TMSB10: variants seen among roughly 807,000 people sequenced by gnomAD.
TMSB10 encodes the protein thymosin beta-10.
TMSB10 carries 4 observed loss-of-function variants against 4.5 expected under a neutral mutation model. The ratio of observed to expected loss-of-function variants is 0.89; its 90% CI spans 0.44 to 2.03. TMSB10 has a LOEUF of 2.03. TMSB10 is among the 30% of genes most tolerant of loss of function. The pLI, the probability that TMSB10 is intolerant of heterozygous loss-of-function variation, is 0.03. For missense variants in TMSB10, 44 were observed against 53.9 expected (o/e 0.82, Z 0.57); for synonymous variants, 17 against 20.3 (o/e 0.84, Z 0.44).
In TMSB10 at chr2:84,905,718, G is replaced by A. The variant is rs1169633089; in HGVS notation, c.-16G>A. 7.4e-6 allele frequency: 2 copies of A among 271,688 alleles called. No homozygotes were observed. The highest frequency in any genetic ancestry group is 4.6e-5 in the South Asian group (1 of 21,548). The allele number at this position is 271,688 out of a possible 1,614,324, so 16.8% of individuals were successfully genotyped here. A position where few individuals can be genotyped will look rare whatever the true frequency, so the allele number is the denominator to read the frequency against. On this transcript the variant is annotated splice_region_variant and 5_prime_UTR_variant, in exon 1 of 3. Transcript: ENST00000233143. ...TCTCGGGCTCGGAACGAGACTGCACGGTGAGTGCGGCGCCGGGGCGGGGGG... is the reference window on the plus strand; with the variant it reads ...TCTCGGGCTCGGAACGAGACTGCACAGTGAGTGCGGCGCCGGGGCGGGGGG...
At chr2:84,906,153 C>T in intron 2 of TMSB10, 36 bp downstream of exon 2, 2 of 1,599,288 alleles carry the variant, frequency 1.3e-6, no homozygotes, top group Admixed American at 1.7e-5. Flanking sequence ...CCCAGCCCAG[C>T]CCCTCACCCT....
In TMSB10 at chr2:84,905,700, C is replaced by A. The variant is rs1038165079; in HGVS notation, c.-34C>A. 1 of 197,956 alleles carries A rather than the reference C, an allele frequency of 5.1e-6. No individual in the cohort carries two copies. Among genetic ancestry groups the A allele is most frequent in the African/African-American group, 2.3e-5 (1 of 42,576 alleles). 12.3% of individuals were successfully genotyped at this position (197,956 alleles called of 1,614,324 possible). A position where few individuals can be genotyped will look rare whatever the true frequency, so the allele number is the denominator to read the frequency against. ...CGAGTGGGAGCACCAGGATCTCGGG[C>A]TCGGAACGAGACTGCACGGTGAGTG... On this transcript the variant is annotated 5_prime_UTR_variant, in exon 1 of 3. Coordinates refer to ENST00000233143, the MANE Select transcript of TMSB10 (RefSeq NM_021103.4).
In TMSB10 at chr2:84,906,043, A is replaced by G. The variant is rs757649978; in HGVS notation, c.26A>G (p.Glu9Gly). The G allele has an allele frequency of 6.2e-7, 1 of 1,614,006 alleles. No individual in the cohort carries two copies. Among genetic ancestry groups the G allele is most frequent in the Non-Finnish European group, 8.5e-7 (1 of 1,179,960 alleles). The change falls in exon 2 of 3, where the codon GAA becomes GGA. Residue 9 changes from glutamate to glycine, a missense_variant. Physicochemically the swap from Glu to Gly is moderately conservative, Grantham distance 98. Coordinates refer to ENST00000233143, the MANE Select transcript of TMSB10 (RefSeq NM_021103.4). ...ATGGCAGACAAACCAGACATGGGGG[A>G]AATCGCCAGCTTCGATAAGGCCAAG... MADKPDMGEIASFDKAKLK... is the reference protein window; with the variant it reads MADKPDMGGIASFDKAKLK...
At position 84,906,363 on chromosome 2, in the gene TMSB10, C is replaced by T. The variant is rs1383456596; in HGVS notation, c.101-26C>T. 6.3e-6 allele frequency: 10 copies of T among 1,588,392 alleles called. No individual in the cohort carries two copies. The African/African-American group carries it at 1.2e-4, about 19-fold the overall frequency. The stretch of plus-strand genomic sequence containing the variant: ...GCGGGTGGGGGTTGCAGCTCCCCTC[C>T]AGCGCCCGCTTCCCGCTCTCCACAG... On this transcript the variant is annotated intron_variant, in intron 2 of 2. Transcript: ENST00000233143.
intron 2 of TMSB10, 95 bp downstream of exon 2, chr2:84,906,212 C>G (rs1336069193): frequency 2.7e-6 from 4 of 1,461,130 alleles, no homozygotes; most frequent in Non-Finnish European, 3.7e-6. Context: ...GCCGTTGTCC[C>G]CGGTGTGGGC....
Position 84,906,392 on chromosome 2 carries a change from T to C in TMSB10, c.104T>C (p.Ile35Thr), listed in dbSNP as rs1205603185. 2 of 1,604,804 alleles carry C rather than the reference T, an allele frequency of 1.2e-6. No individual in the cohort carries two copies. The highest frequency in any genetic ancestry group is 1.7e-5 in the Admixed American group (1 of 59,356). Residue 35 changes from isoleucine (I) to threonine (T), a missense_variant, in exon 3 of 3, where the codon ATT becomes ACT. Ile to Thr is a moderately conservative substitution (Grantham distance 89, BLOSUM62 -1). Transcript: ENST00000233143. ...GCCCGCTTCCCGCTCTCCACAGCCA[T>C]TGAGCAGGAGAAGCGGAGTGAAATT... ...EKNTLPTKET[I>T]EQEKRSEIS
Position 84,906,022 on chromosome 2 carries a change from C to A in TMSB10, c.5C>A (p.Ala2Glu). Residue 2 changes from alanine (A) to glutamate (E), a missense_variant, in exon 2 of 3, where the codon GCA (alanine) becomes GAA (glutamate). Coordinates refer to ENST00000233143, the MANE Select transcript of TMSB10 (RefSeq NM_021103.4). M[A>E]DKPDMGEIAS... The stretch of plus-strand genomic sequence containing the variant: ...CACTAGGATTGTTTTAAGAAAATGG[C>A]AGACAAACCAGACATGGGGGAAATC... 1 of 1,613,906 alleles carries A rather than the reference C, an allele frequency of 6.2e-7. No individual in the cohort carries two copies. The highest frequency in any genetic ancestry group is 8.5e-7 in the Non-Finnish European group (1 of 1,179,910).
In TMSB10 at chr2:84,905,965, C is replaced by G. The variant is rs1486840004; in HGVS notation, c.-15-38C>G. On this transcript the variant is annotated intron_variant, in intron 1 of 2. Transcript: ENST00000233143. ...GGGGAGCGCGGAAGGGGACGCTGGC[C>G]CCCAGGCCCAGGTCAAGCGCCTTGG... The G allele has an allele frequency of 3.8e-6, 6 of 1,569,396 alleles. No homozygotes were observed. In the African/African-American group the frequency reaches 8.1e-5, roughly 21 times the overall value.
Position 84,906,429 on chromosome 2 carries a change from T to A in TMSB10, c.*6T>A. ...AGCGGAGTGAAATTTCCTAAGATCC[T>A]GGAGGATTTCCTACCCCCGTCCTCT... On this transcript the variant is annotated 3_prime_UTR_variant, in exon 3 of 3. Transcript: ENST00000233143. 6.2e-7 allele frequency: 1 copy of A among 1,606,160 alleles called. No homozygotes were observed. The highest frequency in any genetic ancestry group is 2.2e-5 in the East Asian group (1 of 44,840).
Position 84,906,628 on chromosome 2 carries a change from A to C in TMSB10, c.*205A>C. 2.1e-6 allele frequency: 1 copy of C among 484,154 alleles called. No individual in the cohort carries two copies. The highest frequency in any genetic ancestry group is 3.4e-5 in the East Asian group (1 of 29,152). 30.0% of individuals were successfully genotyped at this position (484,154 alleles called of 1,614,324 possible). A position where few individuals can be genotyped will look rare whatever the true frequency, so the allele number is the denominator to read the frequency against. ...CCGGTTTGCCCCGGGATATTATAGA[A>C]AATTATTTGTATGAATAATGAAAAT... On this transcript the variant is annotated 3_prime_UTR_variant, in exon 3 of 3. Coordinates refer to ENST00000233143, the MANE Select transcript of TMSB10 (RefSeq NM_021103.4).
intron 1 of TMSB10, 69 bp from the exon 2 acceptor site, chr2:84,905,934 G>A (rs1345243897): frequency 2.2e-6 from 3 of 1,370,190 alleles, no homozygotes; most frequent in Non-Finnish European, 3.1e-6. Flanking sequence ...GTCGAGAGGC[G>A]TCGGCGGGGA....
intron 2 of TMSB10, 111 bp downstream of exon 2, chr2:84,906,228 C>G: frequency 7.0e-7 from 1 of 1,437,620 alleles, no homozygotes; most frequent in Non-Finnish European, 9.4e-7. Context: ...TGGGCGGCCC[C>G]GGCCACTCTT....
chr2:84,906,130 C>T lies in TMSB10; in HGVS notation c.100+13C>T. ...CCGACCAAAGAGAGTGAGTGTGCCT[C>T]GGTCTCCCGCGCCCCAGCCCAGCCC... On this transcript the variant is annotated intron_variant, in intron 2 of 2. Transcript: ENST00000233143. The T allele has an allele frequency of 3.7e-6, 6 of 1,612,346 alleles. No homozygotes were observed. The highest frequency in any genetic ancestry group is 2.2e-5 in the East Asian group (1 of 44,788).
Position 84,906,656 on chromosome 2 carries a change from AAC to A in TMSB10, c.*238_*239del. ...TTATTTGTATGAATAATGAAAATAA[AAC>A]ACACCTCGTGGCATGGCTGGCGTGG... On this transcript the variant is annotated 3_prime_UTR_variant, in exon 3 of 3. Coordinates refer to ENST00000233143, the MANE Select transcript of TMSB10 (RefSeq NM_021103.4). 2.3e-6 allele frequency: 1 copy of A among 429,290 alleles called. No individual in the cohort carries two copies. The highest frequency in any genetic ancestry group is 4.1e-6 in the Non-Finnish European group (1 of 243,276). 26.6% of individuals were successfully genotyped at this position (429,290 alleles called of 1,614,324 possible). A position where few individuals can be genotyped will look rare whatever the true frequency, so the allele number is the denominator to read the frequency against.
Position 84,905,728 on chromosome 2 carries a change from G to A in TMSB10, c.-16+10G>A. 1 of 294,898 alleles carries A rather than the reference G, an allele frequency of 3.4e-6. No homozygotes were observed. The highest frequency in any genetic ancestry group is 6.4e-6 in the Non-Finnish European group (1 of 157,240). 18.3% of individuals were successfully genotyped at this position (294,898 alleles called of 1,614,324 possible). On this transcript the variant is annotated intron_variant, in intron 1 of 2. Coordinates refer to ENST00000233143, the MANE Select transcript of TMSB10 (RefSeq NM_021103.4). ...GGAACGAGACTGCACGGTGAGTGCG[G>A]CGCCGGGGCGGGGGGCCCACCCAGG...
At chr2:84,905,964 C>T in intron 1 of TMSB10, 39 bp from the exon 2 acceptor site, 2 of 1,542,494 alleles carry the variant, frequency 1.3e-6, no homozygotes, top group South Asian at 1.1e-5. Flanking sequence ...GGGACGCTGG[C>T]CCCCAGGCCC....
At chr2:84,905,770 T>G (rs1229433834) in intron 1 of TMSB10, 52 bp downstream of exon 1, 1 of 375,900 alleles carries the variant, frequency 2.7e-6, no homozygotes, top group Non-Finnish European at 4.8e-6. Flanking sequence ...TCGGATCCGG[T>G]GCACCGGGCG....
chr2:84,906,415 A>G lies in TMSB10; in HGVS notation c.127A>G (p.Ile43Val). ...ETIEQEKRSE[I>V]S ...CATTGAGCAGGAGAAGCGGAGTGAA[A>G]TTTCCTAAGATCCTGGAGGATTTCC... Residue 43 changes from isoleucine to valine, a missense_variant, in exon 3 of 3, where the codon ATT (isoleucine) becomes GTT (valine). Ile to Val is a conservative substitution (Grantham distance 29). Coordinates refer to ENST00000233143, the MANE Select transcript of TMSB10 (RefSeq NM_021103.4). 6.2e-7 allele frequency: 1 copy of G among 1,606,298 alleles called. No individual in the cohort carries two copies. Among genetic ancestry groups the G allele is most frequent in the South Asian group, 1.1e-5 (1 of 90,028 alleles).
rs1050866 is a variant in TMSB10, at chr2:84,906,601, C to A, written c.*178C>A. 18 of 549,822 alleles carry A rather than the reference C, an allele frequency of 3.3e-5. 1 individual carries two copies. The highest frequency in any genetic ancestry group is 4.8e-5 in the Non-Finnish European group (16 of 333,118). 34.1% of individuals were successfully genotyped at this position (549,822 alleles called of 1,614,324 possible). On this transcript the variant is annotated 3_prime_UTR_variant, in exon 3 of 3. Transcript: ENST00000233143. ...CCCCCCCCAATCGGACTGCCAAATT[C>A]TCCGGTTTGCCCCGGGATATTATAG...
Sources: gnomAD v4.1 joint callset for allele counts on GRCh38, gnomAD v4.1.1 for gene constraint, MANE v1.5 for transcripts, NCBI Gene and HGNC (gene_info 2026-07-23, HGNC 2026-07-21) for gene names.